The following GREB1 variants were observed in gnomAD, a reference collection of about 807,000 sequenced individuals.
GREB1 encodes growth regulating estrogen receptor binding 1, also known as protein GREB1.
In GREB1, 106 loss-of-function variants were observed where a neutral mutation model predicts 200.7. The observed-to-expected ratio is 0.53, with a 90% CI of 0.45 to 0.62. GREB1 has a LOEUF of 0.62. Ranked by LOEUF, GREB1 falls within the 20% of genes least tolerant of loss-of-function variation. The pLI, the probability that GREB1 is intolerant of heterozygous loss-of-function variation, is 0.00. For synonymous variants in GREB1, 1,132 were observed against 1,092.4 expected (o/e 1.04, Z -0.72); for missense variants, 2,243 against 2,556.8 (o/e 0.88, Z 2.65).
At chr2:11,606,758 C>CATTATT (rs3035992) in intron 17 of GREB1, among the ~76,000 whole-genome samples, 9,220 of 143,190 alleles carry the variant, frequency 0.064, 335 homozygotes, top group African/African-American at 0.086. Context: ...ATTTTAGTTT[C>CATTATT]ATTATTATTA....
intron 1 of GREB1, among the ~76,000 whole-genome samples, chr2:11,552,274 G>A (rs58853122): frequency 2.6e-4 from 40 of 152,354 alleles, no homozygotes; most frequent in African/African-American, 7.7e-4. Flanking sequence ...GAATGCAGGC[G>A]TTGGATGTGA....
intron 23 of GREB1, among the ~76,000 whole-genome samples, chr2:11,624,078 T>G (rs1684229753): frequency 6.6e-6 from 1 of 152,182 alleles, no homozygotes; most frequent in Non-Finnish European, 1.5e-5. Flanking sequence ...AAAGTTATAG[T>G]AAGCTAAGGT....
At chr2:11,504,864 T>C (rs1673138524) in intron 1 of GREB1, among the ~76,000 whole-genome samples, 2 of 152,262 alleles carry the variant, frequency 1.3e-5, no homozygotes, top group East Asian at 3.8e-4. Context: ...ACACAGCACT[T>C]TGGGCCACCT....
intron 7 of GREB1, among the ~76,000 whole-genome samples, chr2:11,583,312 T>C (rs1679710829): frequency 1.3e-5 from 2 of 152,116 alleles, no homozygotes; most frequent in Admixed American, 1.3e-4. Context: ...GGGTCTCCCA[T>C]CGCAATTGGG....
intron 1 of GREB1, among the ~76,000 whole-genome samples, chr2:11,505,530 C>A (rs1673161360): frequency 6.6e-6 from 1 of 152,104 alleles, no homozygotes; most frequent in Non-Finnish European, 1.5e-5. Context: ...AATAATAAAT[C>A]ATTAAATTAT....
chr2:11,583,219 T>A (rs926112942), intron 7 of GREB1, among the ~76,000 whole-genome samples: 2 of 152,198 alleles, frequency 1.3e-5, no homozygotes, highest in Admixed American at 6.5e-5. Flanking sequence ...TCTTCAATCC[T>A]TACTGAGATC....
chr2:11,509,983 T>C (rs1003181826), intron 1 of GREB1, among the ~76,000 whole-genome samples: 3 of 152,272 alleles, frequency 2.0e-5, no homozygotes, highest in Admixed American at 6.5e-5. Context: ...TTTGCTAGAA[T>C]CAGGATCCAA....
chr2:11,484,598 A>G (rs1357517696), intron 1 of GREB1, among the ~76,000 whole-genome samples: 2 of 151,460 alleles, frequency 1.3e-5, no homozygotes, highest in African/African-American at 4.9e-5. Context: ...AAAACAAAAA[A>G]AAAAAAAAAA....
At chr2:11,625,401 C>G in intron 24 of GREB1, 89 bp downstream of exon 24, 1 of 1,320,804 alleles carries the variant, frequency 7.6e-7, no homozygotes, top group Admixed American at 1.8e-5. Context: ...GGCATGAAAT[C>G]AGGTGGTGAT....
intron 19 of GREB1, 40 bp downstream of exon 19, chr2:11,612,650 C>A: frequency 7.6e-7 from 1 of 1,314,876 alleles, no homozygotes; most frequent in Non-Finnish European, 1.1e-6. Context: ...CTCTGAGGAG[C>A]TGGCTGCCTG....
intron 1 of GREB1, among the ~76,000 whole-genome samples, chr2:11,505,779 C>A (rs554219386): frequency 6.6e-6 from 1 of 151,664 alleles, no homozygotes; most frequent in African/African-American, 2.4e-5. Flanking sequence ...CCCAGGAGAA[C>A]GAGGGTGCAG....
Position 11,632,035 on chromosome 2 carries a change from G to T in GREB1, c.4738G>T (p.Glu1580Ter). 6.2e-7 allele frequency: 1 copy of T among 1,614,006 alleles called. No individual in the cohort carries two copies. The highest frequency in any genetic ancestry group is 8.5e-7 in the Non-Finnish European group (1 of 1,179,908). The stretch of plus-strand genomic sequence containing the variant: ...GCACGTGCTGGTTGTCAAGGAATAC[G>T]AGATGGCAATTTATAAGAAATATTG... ...HLHVLVVKEYEMAIYKKYWPN... is the reference protein window; with the variant it reads ...HLHVLVVKEY Residue 1580 changes from glutamate to a stop codon, truncating the protein, a stop_gained, in exon 27 of 33, where the codon GAG (glutamate) becomes TAG (stop). Coordinates refer to ENST00000381486, the MANE Select transcript of GREB1 (RefSeq NM_014668.4). LOFTEE classifies it high-confidence loss of function.
chr2:11,632,772 T>G (rs1684988753), intron 27 of GREB1, 117 bp from the exon 28 acceptor site: 2 of 760,394 alleles, frequency 2.6e-6, no homozygotes, highest in Middle Eastern at 7.4e-4. Context: ...GTGATTCATG[T>G]CAGGAAGGTC....
intron 27 of GREB1, among the ~76,000 whole-genome samples, chr2:11,632,329 TTC>T (rs1246976008): frequency 6.7e-6 from 1 of 150,218 alleles, no homozygotes; most frequent in South Asian, 2.1e-4. Flanking sequence ...CTTTCTTTCT[TTC>T]TCTCTTTTTT....
intron 1 of GREB1, among the ~76,000 whole-genome samples, chr2:11,524,202 GT>G (rs1485548950): frequency 6.6e-6 from 1 of 152,222 alleles, no homozygotes; most frequent in Non-Finnish European, 1.5e-5. Context: ...TAGAAGACAA[GT>G]TGGACATTAT....
chr2:11,527,659 T>C (rs987062582), intron 1 of GREB1, among the ~76,000 whole-genome samples: 1 of 152,164 alleles, frequency 6.6e-6, no homozygotes, highest in African/African-American at 2.4e-5. Context: ...AACCAGGAGC[T>C]ATTCAGTGAG....
At chr2:11,549,210 T>C (rs1041619495) in intron 1 of GREB1, among the ~76,000 whole-genome samples, 1 of 152,202 alleles carries the variant, frequency 6.6e-6, no homozygotes, top group Non-Finnish European at 1.5e-5. Flanking sequence ...GAACTCCTTC[T>C]GGGCCTCATG....
At chr2:11,488,634 T>C (rs1164558172) in intron 1 of GREB1, among the ~76,000 whole-genome samples, 1 of 151,838 alleles carries the variant, frequency 6.6e-6, no homozygotes, top group Non-Finnish European at 1.5e-5. Context: ...CTATTAAAAA[T>C]GTAAAAATTA....
chr2:11,540,805 T>C (rs1349042147), intron 1 of GREB1: 2 of 153,240 alleles, frequency 1.3e-5, no homozygotes, highest in African/African-American at 4.8e-5. Flanking sequence ...GCAGTCTCAA[T>C]GCGTTTATTG....
Sources: allele counts gnomAD v4.1 joint callset (sites outside exome capture counted in the v4.1 genomes callset), GRCh38; gene constraint gnomAD v4.1.1; transcripts MANE v1.5; gene names NCBI Gene and HGNC (gene_info 2026-07-23, HGNC 2026-07-21).